STK32A: variants seen among roughly 807,000 people sequenced by gnomAD.
The protein encoded by STK32A is serine/threonine-protein kinase 32A.
STK32A carries 41 observed loss-of-function variants against 53.2 expected under a neutral mutation model. That is an observed-to-expected ratio of 0.77 (90% CI 0.60 to 1.00). STK32A has a LOEUF of 1.00. Among genes scored for constraint, STK32A ranks in the 50% least tolerant of loss-of-function variants. The pLI is 0.00. For synonymous variants in STK32A, 166 were observed against 162.8 expected, an observed-to-expected ratio of 1.02 and a Z score of -0.15; for missense variants, 458 against 485.8, an observed-to-expected ratio of 0.94 and a Z score of 0.54.
At chr5:147,393,914 G>T in the STK32A span, 2 of 966,860 alleles carry the variant, frequency 2.1e-6, no homozygotes, top group Non-Finnish European at 3.2e-6. Flanking sequence ...AAGGCTTGAG[G>T]CTTATTGATT....
rs116709678 is a variant in STK32A, at chr5:147,290,703, C to T, written c.260+11305C>T. ...TTTTAACTGGAAAGAACTACCTGTA[C>T]TGAGAGTGTGACAAGGTCCTTTCAG... is the stretch of plus-strand genomic sequence containing the variant. On this transcript the variant is annotated intron_variant, in intron 4 of 12. Coordinates refer to ENST00000397936, the MANE Select transcript of STK32A (RefSeq NM_001112724.2). Among the ~76,000 whole-genome samples the T allele has an allele frequency of 2.1e-3, 316 of 152,286 alleles. 2 individuals are homozygous for T. The highest frequency in any genetic ancestry group is 7.4e-3 in the African/African-American group (308 of 41,554).
intron 4 of STK32A, among the ~76,000 whole-genome samples, chr5:147,296,345 G>A (rs1055686737): frequency 1.3e-5 from 2 of 151,892 alleles, no homozygotes; most frequent in Admixed American, 6.6e-5. Flanking sequence ...TCAAGCACAC[G>A]GTTTGACCTT....
intron 8 of STK32A, among the ~76,000 whole-genome samples, chr5:147,367,549 T>G (rs1321818874): frequency 6.6e-6 from 1 of 150,968 alleles, no homozygotes; most frequent in East Asian, 1.9e-4. Flanking sequence ...AAGATTTGGG[T>G]AGGTAAAGGA....
chr5:147,401,362 A>G, the STK32A span, among the ~76,000 whole-genome samples: 1 of 152,240 alleles, frequency 6.6e-6, no homozygotes, highest in African/African-American at 2.4e-5. Flanking sequence ...TAATGTTTAA[A>G]ACAGGATGGG....
the STK32A span, chr5:147,394,103 C>T: frequency 1.2e-6 from 2 of 1,614,142 alleles, no homozygotes; most frequent in Non-Finnish European, 1.7e-6. Flanking sequence ...GCTGAGCGAA[C>T]CCCCTCATCC....
chr5:147,279,793 G>T (rs1297497698), intron 4 of STK32A, among the ~76,000 whole-genome samples: 1 of 152,160 alleles, frequency 6.6e-6, no homozygotes, highest in Admixed American at 6.5e-5. Context: ...GTGCTGGTGG[G>T]TGTATGATTT....
chr5:147,334,740 A>G (rs1755033142), intron 5 of STK32A, among the ~76,000 whole-genome samples: 1 of 152,214 alleles, frequency 6.6e-6, no homozygotes, highest in Non-Finnish European at 1.5e-5. Flanking sequence ...ACATCGATTC[A>G]TCATTTAGCA....
the STK32A span, chr5:147,394,029 G>A: frequency 6.2e-7 from 1 of 1,614,022 alleles, no homozygotes; most frequent in African/African-American, 1.3e-5. Context: ...TTTGAGGAAG[G>A]CTTGCTTAAC....
At position 147,384,649 on chromosome 5, in the gene STK32A, A is replaced by G. The variant is rs973221895; in HGVS notation, c.*666A>G. On this transcript the variant is annotated 3_prime_UTR_variant, in exon 13 of 13. Coordinates refer to ENST00000397936, the MANE Select transcript of STK32A (RefSeq NM_001112724.2). The stretch of plus-strand genomic sequence containing the variant: ...CAACAATGTGAAAGTGGTAACTTGA[A>G]ATTGGTAATAATGGGAGCATTTACA... The G allele has an allele frequency of 4.6e-5, 20 of 438,488 alleles. No individual in the cohort carries two copies. Among genetic ancestry groups the G allele is most frequent in the Admixed American group, 1.6e-4 (4 of 25,088 alleles). The allele number at this position is 438,488 out of a possible 1,614,324, so 27.2% of individuals were successfully genotyped here.
At chr5:147,267,002 C>T (rs1754840337) in intron 2 of STK32A, among the ~76,000 whole-genome samples, 1 of 149,162 alleles carries the variant, frequency 6.7e-6, no homozygotes, top group Non-Finnish European at 1.5e-5. Flanking sequence ...GTACTCCAGC[C>T]TGGGCAACAA....
intron 8 of STK32A, among the ~76,000 whole-genome samples, chr5:147,365,297 G>T (rs1318747781): frequency 6.6e-6 from 1 of 152,032 alleles, no homozygotes; most frequent in African/African-American, 2.4e-5. Context: ...CACTCTGCAG[G>T]GTCCATTTTA....
chr5:147,279,798 TG>T (rs2151955161), intron 4 of STK32A, among the ~76,000 whole-genome samples: 1 of 152,216 alleles, frequency 6.6e-6, no homozygotes, highest in East Asian at 1.9e-4. Context: ...GGTGGGTGTA[TG>T]ATTTAGTATG....
chr5:147,397,685 C>A, the STK32A span: 3 of 1,613,870 alleles, frequency 1.9e-6, no homozygotes, highest in Non-Finnish European at 2.5e-6. Context: ...TGCTTTAATG[C>A]GCTTGTAGAC....
intron 4 of STK32A, among the ~76,000 whole-genome samples, chr5:147,318,306 T>A (rs566362719): frequency 7.2e-5 from 11 of 152,322 alleles, no homozygotes; most frequent in African/African-American, 2.4e-4. Context: ...TCTCATTTTT[T>A]AAAAATGCTG....
intron 11 of STK32A, among the ~76,000 whole-genome samples, chr5:147,376,773 C>T (rs1757248569): frequency 2.6e-5 from 4 of 152,136 alleles, no homozygotes; most frequent in Non-Finnish European, 1.5e-5. Flanking sequence ...AGGGGGCTTC[C>T]TCTCATTCTT....
At chr5:147,400,001 A>C in the STK32A span, among the ~76,000 whole-genome samples, 1 of 152,230 alleles carries the variant, frequency 6.6e-6, no homozygotes, top group Non-Finnish European at 1.5e-5. Flanking sequence ...AAACTCAGTG[A>C]AATTACACTG....
At chr5:147,364,812 A>C (rs1326989132) in intron 8 of STK32A, among the ~76,000 whole-genome samples, 1 of 152,194 alleles carries the variant, frequency 6.6e-6, no homozygotes, top group Non-Finnish European at 1.5e-5. Flanking sequence ...CAAGGGCTTC[A>C]TCTCCAAATA....
intron 2 of STK32A, among the ~76,000 whole-genome samples, chr5:147,255,658 T>C (rs1158287873): frequency 6.6e-6 from 1 of 152,216 alleles, no homozygotes; most frequent in Non-Finnish European, 1.5e-5. Context: ...TGATGCAAAC[T>C]ACCCCTCTTT....
At chr5:147,273,242 A>G (rs577350867) in intron 2 of STK32A, among the ~76,000 whole-genome samples, 2 of 152,242 alleles carry the variant, frequency 1.3e-5, no homozygotes, top group African/African-American at 4.8e-5. Context: ...CAGAATCAGC[A>G]TGGTTTATGC....
Sources: gnomAD v4.1 joint callset for allele counts (sites outside exome capture counted in the v4.1 genomes callset) on GRCh38, gnomAD v4.1.1 for gene constraint, MANE v1.5 for transcripts, NCBI Gene and HGNC (gene_info 2026-07-23, HGNC 2026-07-21) for gene names.